The following TMEM116 variants were observed in gnomAD, a reference collection of about 807,000 sequenced individuals.
The protein encoded by TMEM116 is transmembrane protein 116.
Under a neutral mutation model 44.3 loss-of-function variants are expected in TMEM116, and 38 were observed. The ratio of observed to expected loss-of-function variants is 0.86; its 90% confidence interval spans 0.66 to 1.12. TMEM116 has a LOEUF of 1.12. TMEM116 is among the 50% of genes most tolerant of loss of function. TMEM116 has a pLI of 0.00. For synonymous variants in TMEM116, 132 were observed against 144.8 expected, an observed-to-expected ratio of 0.91 and a Z score of 0.64; for missense variants, 354 against 401.7, an observed-to-expected ratio of 0.88 and a Z score of 1.01.
At chr12:111,978,676 C>G in intron 4 of TMEM116, 1 of 344,940 alleles carries the variant, frequency 2.9e-6, no homozygotes, top group Non-Finnish European at 5.8e-6. Context: ...TCTCTTGTCT[C>G]CACTATGTTT....
intron 3 of TMEM116, chr12:111,993,599 A>G (rs2076748921): frequency 5.5e-6 from 3 of 544,246 alleles, no homozygotes; most frequent in South Asian, 1.6e-5. Flanking sequence ...CCCAAGATGT[A>G]TAAGGAAGAA....
intron 4 of TMEM116, among the ~76,000 whole-genome samples, chr12:111,989,714 G>A (rs2076434599): frequency 6.6e-6 from 1 of 152,128 alleles, no homozygotes. Flanking sequence ...ACAGACACCA[G>A]CCTAGAAATG....
At chr12:111,940,512 CATATATATGTGTATATATAT>C (rs2072669461) in intron 5 of TMEM116, among the ~76,000 whole-genome samples, 4 of 120,630 alleles carry the variant, frequency 3.3e-5, no homozygotes, top group Non-Finnish European at 6.4e-5. Flanking sequence ...TATATACACA[CATATATATGTGTATATATAT>C]ATATATATAT....
intron 1 of TMEM116, among the ~76,000 whole-genome samples, chr12:112,008,276 T>A (rs956382845): frequency 1.3e-5 from 2 of 151,800 alleles, no homozygotes; most frequent in Non-Finnish European, 2.9e-5. Context: ...AGGTCAGGAG[T>A]TGGAGACCAG....
intron 4 of TMEM116, among the ~76,000 whole-genome samples, chr12:111,960,941 AAAG>A (rs976737204): frequency 6.6e-6 from 1 of 152,234 alleles, no homozygotes; most frequent in Non-Finnish European, 1.5e-5. Flanking sequence ...CCAGACTAAC[AAAG>A]AAGAAGAGAA....
At chr12:112,008,502 C>A (rs2077690256) in intron 1 of TMEM116, among the ~76,000 whole-genome samples, 1 of 151,374 alleles carries the variant, frequency 6.6e-6, no homozygotes. Flanking sequence ...ACCTCCTTAG[C>A]AAGTTCAAAC....
chr12:111,947,018 T>C (rs1285233511), intron 4 of TMEM116, among the ~76,000 whole-genome samples: 4 of 152,096 alleles, frequency 2.6e-5, no homozygotes, highest in Non-Finnish European at 5.9e-5. Flanking sequence ...ATATTACAGG[T>C]TTTTCTTTAA....
At chr12:111,939,631 T>C (rs576877087) in intron 5 of TMEM116, among the ~76,000 whole-genome samples, 1 of 146,500 alleles carries the variant, frequency 6.8e-6, no homozygotes, top group South Asian at 2.2e-4. Flanking sequence ...GACCTCCTAC[T>C]CCGCCCATCT....
chr12:111,972,963 C>T lies in TMEM116; in HGVS notation c.210+18795G>A, dbSNP rs566209658. ...GTTCATCCTGGCCAACATGGTGAAA[C>T]CCCATCTCTACTAAAAATACAAAAA... is the stretch of plus-strand genomic sequence containing the variant. On this transcript the variant is annotated intron_variant, in intron 4 of 10. Coordinates refer to ENST00000552374, the MANE Select transcript of TMEM116 (RefSeq NM_001193531.2). 5.9e-4 allele frequency among the ~76,000 whole-genome samples: 90 copies of T among 151,978 alleles called. 1 individual carries two copies. Among genetic ancestry groups the T allele is most frequent in the Non-Finnish European group, 1.1e-3 (75 of 67,978 alleles).
chr12:112,003,633 G>T, intron 3 of TMEM116, 167 bp downstream of exon 3: 2 of 770,278 alleles, frequency 2.6e-6, no homozygotes, highest in Non-Finnish European at 3.8e-6. Context: ...TTACCTAGAA[G>T]AAAAGGGAGC....
rs373367037 is a variant in TMEM116 at position 111,964,771 on chromosome 12, G to A, written c.211-21402C>T. Among the ~76,000 whole-genome samples, 5 of 152,190 alleles carry A rather than the reference G, an allele frequency of 3.3e-5. No individual in the cohort carries two copies. In the East Asian group the frequency reaches 5.8e-4, roughly 18 times the overall value. The stretch of plus-strand genomic sequence containing the variant: ...AGTGTGATCGCAACTCACTGTAGCC[G>A]CGACCTCCTAGGTGCAAGTGATCCT... On this transcript the variant is annotated intron_variant, in intron 4 of 10. Transcript: ENST00000552374.
At chr12:111,986,683 C>T (rs2076246782) in intron 4 of TMEM116, among the ~76,000 whole-genome samples, 2 of 152,042 alleles carry the variant, frequency 1.3e-5, no homozygotes, top group South Asian at 2.1e-4. Context: ...GTGGCATGCA[C>T]CTGTAGTCCC....
chr12:111,944,255 G>T (rs1161004710), intron 4 of TMEM116, among the ~76,000 whole-genome samples: 1 of 151,834 alleles, frequency 6.6e-6, no homozygotes, highest in Non-Finnish European at 1.5e-5. Context: ...TAAAATATAT[G>T]AAAATATCCA....
At position 111,955,997 on chromosome 12, in the gene TMEM116, C is replaced by T. The variant is rs1243170184; in HGVS notation, c.211-12628G>A. 3.9e-5 allele frequency among the ~76,000 whole-genome samples: 6 copies of T among 152,158 alleles called. No individual in the cohort carries two copies. The East Asian group carries it at 5.8e-4, about 15-fold the overall frequency. On this transcript the variant is annotated intron_variant, in intron 4 of 10. Transcript: ENST00000552374. The stretch of plus-strand genomic sequence containing the variant: ...ATGCATTTTCAGAATGTATTGCTGT[C>T]GTTAAACGATGCATGACTGTATTTC...
rs2073442482 is a variant in TMEM116 at position 111,948,356 on chromosome 12, A to G, written c.211-4987T>C. ...GATAGAATTTGAATAGGTTAGGGGG[A>G]AGAGGGTTGGGCATTCTAAACAAAG... On this transcript the variant is annotated intron_variant, in intron 4 of 10. Coordinates refer to ENST00000552374, the MANE Select transcript of TMEM116 (RefSeq NM_001193531.2). Among the ~76,000 whole-genome samples, 3 of 152,212 alleles carry G rather than the reference A, an allele frequency of 2.0e-5. No homozygotes were observed. The South Asian group carries it at 6.2e-4, about 32-fold the overall frequency.
chr12:111,935,689 A>T (rs2072097714), intron 8 of TMEM116: 1 of 145,388 alleles, frequency 6.9e-6, no homozygotes, highest in Non-Finnish European at 1.5e-5. Flanking sequence ...TCTGTTGCCC[A>T]GGCTGGAGGG....
chr12:111,991,977 G>A (rs2076632629), intron 3 of TMEM116, 88 bp from the exon 4 acceptor site: 2 of 1,352,138 alleles, frequency 1.5e-6, no homozygotes, highest in Admixed American at 4.8e-5. Flanking sequence ...TATGTTTCTA[G>A]TAGGAAACTG....
At chr12:111,968,661 T>G (rs1673491440) in intron 4 of TMEM116, among the ~76,000 whole-genome samples, 1 of 152,192 alleles carries the variant, frequency 6.6e-6, no homozygotes, top group African/African-American at 2.4e-5. Context: ...ACATTCTATC[T>G]TTTCAGTAAG....
intron 3 of TMEM116, chr12:111,993,643 C>G (rs2076753362): frequency 1.7e-6 from 1 of 574,970 alleles, no homozygotes; most frequent in South Asian, 1.6e-5. Flanking sequence ...GGTTGCTCCT[C>G]TCTGGATGAG....
Sources: gnomAD v4.1 joint callset for allele counts (sites outside exome capture counted in the v4.1 genomes callset) on GRCh38, gnomAD v4.1.1 for gene constraint, MANE v1.5 for transcripts, NCBI Gene and HGNC (gene_info 2026-07-23, HGNC 2026-07-21) for gene names.